BNC2: variants seen among roughly 807,000 people sequenced by gnomAD.
BNC2 encodes zinc finger protein basonuclin-2.
Under a neutral mutation model 76.3 loss-of-function variants are expected in BNC2, and 20 were observed. The ratio of observed to expected loss-of-function variants is 0.26; its 90% CI spans 0.18 to 0.38. BNC2 has a LOEUF of 0.38. BNC2 is among the 10% of genes least tolerant of loss of function. The probability of loss-of-function intolerance (pLI) is 1.00; values close to 1 mark genes in which losing one functional copy is unlikely to be tolerated. For missense variants in BNC2, 1,382 were observed against 1,399.8 expected (o/e 0.99, Z 0.20); for synonymous variants, 582 against 514.8 (o/e 1.13, Z -1.77).
intron 1 of BNC2, among the ~76,000 whole-genome samples, chr9:16,820,709 C>T (rs914259268): frequency 4.0e-5 from 6 of 151,276 alleles, no homozygotes; most frequent in Non-Finnish European, 7.4e-5. Flanking sequence ...AAATATTTCT[C>T]ACAAATAGAG....
At chr9:16,590,657 A>C (rs1354111795) in intron 3 of BNC2, among the ~76,000 whole-genome samples, 27 of 152,042 alleles carry the variant, frequency 1.8e-4, no homozygotes, top group Non-Finnish European at 1.5e-5. Context: ...AATATGAAAA[A>C]TTCGCCGGGC....
chr9:16,644,093 A>C (rs1181991088), intron 3 of BNC2, among the ~76,000 whole-genome samples: 1 of 152,206 alleles, frequency 6.6e-6, no homozygotes, highest in Admixed American at 6.5e-5. Context: ...AACCTACATC[A>C]AAAGACTTTG....
chr9:16,700,359 C>A (rs1823473544), intron 3 of BNC2, among the ~76,000 whole-genome samples: 1 of 152,030 alleles, frequency 6.6e-6, no homozygotes, highest in Non-Finnish European at 1.5e-5. Flanking sequence ...GACCCCATAT[C>A]TACAAAAAAT....
intron 5 of BNC2, among the ~76,000 whole-genome samples, chr9:16,481,923 C>T (rs1563803949): frequency 6.6e-6 from 1 of 152,122 alleles, no homozygotes; most frequent in East Asian, 1.9e-4. Context: ...GAGGGTAATA[C>T]TATAATCTTA....
intron 3 of BNC2, among the ~76,000 whole-genome samples, chr9:16,588,993 A>G (rs896059723): frequency 7.2e-5 from 11 of 152,220 alleles, no homozygotes; most frequent in Admixed American, 2.0e-4. Context: ...AATGCAAAAT[A>G]TGGCCTTTGG....
chr9:16,571,911 T>C (rs78821418), intron 4 of BNC2, among the ~76,000 whole-genome samples: 1 of 151,880 alleles, frequency 6.6e-6, no homozygotes, highest in Non-Finnish European at 1.5e-5. Flanking sequence ...GAAAAAAAAA[T>C]GACTTTTTTT....
intron 4 of BNC2, among the ~76,000 whole-genome samples, chr9:16,562,487 T>C (rs1019800641): frequency 3.3e-5 from 5 of 152,334 alleles, no homozygotes; most frequent in African/African-American, 1.2e-4. Context: ...TCAGAAACTA[T>C]GTTTATCATT....
At chr9:16,866,532 C>G (rs187439482) in intron 1 of BNC2, among the ~76,000 whole-genome samples, 1 of 151,844 alleles carries the variant, frequency 6.6e-6, no homozygotes, top group East Asian at 1.9e-4. Flanking sequence ...GTTAGTCAAA[C>G]CAAAACATTT....
chr9:16,494,275 C>T (rs1317967382), intron 5 of BNC2, among the ~76,000 whole-genome samples: 1 of 152,020 alleles, frequency 6.6e-6, no homozygotes, highest in African/African-American at 2.4e-5. Context: ...GTCTCAGCCT[C>T]CTGAGTAGCT....
rs111411600 is a variant in BNC2 at position 16,554,965 on chromosome 9, G to A, written c.434-2200C>T. On this transcript the variant is annotated intron_variant, in intron 4 of 6. Transcript: ENST00000380672. Reference sequence around the variant, plus strand: ...GTGTGCAAATGCGTTCAAATTGTAGGTGAAAAAAACCACAATCACTCTCCC... The same window carrying A: ...GTGTGCAAATGCGTTCAAATTGTAGATGAAAAAAACCACAATCACTCTCCC... Among the ~76,000 whole-genome samples the A allele has an allele frequency of 5.3e-5, 8 of 152,128 alleles. 1 individual carries two copies. The highest frequency in any genetic ancestry group is 1.9e-4 in the African/African-American group (8 of 41,480).
chr9:16,678,267 C>CTAT (rs1822714709), intron 3 of BNC2, among the ~76,000 whole-genome samples: 1 of 80,734 alleles, frequency 1.2e-5, no homozygotes, highest in African/African-American at 5.7e-5. Flanking sequence ...CTTTCTTTTT[C>CTAT]TTTTTTTTTT....
chr9:16,420,549 T>A (rs1820688767), intron 6 of BNC2, among the ~76,000 whole-genome samples: 1 of 151,880 alleles, frequency 6.6e-6, no homozygotes, highest in Non-Finnish European at 1.5e-5. Flanking sequence ...TAAAACACAG[T>A]AAGTACAAAA....
chr9:16,853,693 C>T (rs1308013389), intron 1 of BNC2, among the ~76,000 whole-genome samples: 1 of 151,982 alleles, frequency 6.6e-6, no homozygotes, highest in Non-Finnish European at 1.5e-5. Flanking sequence ...ATGGTGAAAC[C>T]CTGTCTGTAC....
At position 16,535,792 on chromosome 9, in the gene BNC2, T is replaced by C. The variant is rs115948988; in HGVS notation, c.669+16738A>G. On this transcript the variant is annotated intron_variant, in intron 5 of 6. Coordinates refer to ENST00000380672, the MANE Select transcript of BNC2 (RefSeq NM_017637.6). The stretch of plus-strand genomic sequence containing the variant: ...CTGGGCTTTGTAATGTGACTGGCTT[T>C]GGCTGATGGCATGCTAGCAAATATG... Among the ~76,000 whole-genome samples, 305 of 152,308 alleles carry C rather than the reference T, an allele frequency of 2.0e-3. 1 individual carries two copies. Among genetic ancestry groups the C allele is most frequent in the African/African-American group, 6.8e-3 (282 of 41,568 alleles).
intron 3 of BNC2, among the ~76,000 whole-genome samples, chr9:16,671,032 G>A (rs145580771): frequency 5.9e-5 from 9 of 152,122 alleles, no homozygotes; most frequent in East Asian, 1.9e-4. Flanking sequence ...ATGCTCAGAC[G>A]GCCATACGGA....
At chr9:16,630,516 C>T (rs190076008) in intron 3 of BNC2, among the ~76,000 whole-genome samples, 1 of 152,140 alleles carries the variant, frequency 6.6e-6, no homozygotes, top group African/African-American at 2.4e-5. Flanking sequence ...AAATGATTAA[C>T]ACCTGTGTGG....
At chr9:16,826,601 C>G (rs1209455086) in intron 1 of BNC2, among the ~76,000 whole-genome samples, 1 of 152,084 alleles carries the variant, frequency 6.6e-6, no homozygotes, top group Non-Finnish European at 1.5e-5. Flanking sequence ...CTTTTGGACT[C>G]TTTTACTTTT....
intron 1 of BNC2, among the ~76,000 whole-genome samples, chr9:16,751,640 ATG>A (rs371286555): frequency 0.86 from 120,110 of 140,212 alleles, 51,927 homozygotes; most frequent in Non-Finnish European, 0.91. Flanking sequence ...GTATGTATAT[ATG>A]TATGTGTGTA....
intron 1 of BNC2, among the ~76,000 whole-genome samples, chr9:16,843,770 C>T (rs971403778): frequency 2.0e-5 from 3 of 152,214 alleles, no homozygotes; most frequent in Admixed American, 2.0e-4. Flanking sequence ...GGTTTAGGTA[C>T]TACGCTTTTC....
Sources: allele counts gnomAD v4.1 joint callset (sites outside exome capture counted in the v4.1 genomes callset), GRCh38; gene constraint gnomAD v4.1.1; transcripts MANE v1.5; gene names NCBI Gene and HGNC (gene_info 2026-07-23, HGNC 2026-07-21).